Variants in ARMH3 observed in about 807,000 individuals in gnomAD.
ARMH3 encodes the protein armadillo like helical domain containing 3.
ARMH3 carries 60 observed loss-of-function variants against 99.1 expected under a neutral mutation model. The observed-to-expected ratio is 0.61, with a 90% CI of 0.49 to 0.75. The LOEUF (loss-of-function observed/expected upper bound fraction) is 0.75. ARMH3 is among the 30% of genes least tolerant of loss of function. The probability of loss-of-function intolerance (pLI) is 0.00; values close to 1 mark genes in which losing one functional copy is unlikely to be tolerated. For missense variants in ARMH3, 679 were observed against 843.1 expected (o/e 0.81, Z 2.41); for synonymous variants, 285 against 292.8 (o/e 0.97, Z 0.27).
chr10:102,050,497 T>C lies in ARMH3; in HGVS notation c.-12+5588A>G, dbSNP rs142328648. On this transcript the variant is annotated intron_variant, in intron 1 of 25. Coordinates refer to ENST00000370033, the MANE Select transcript of ARMH3 (RefSeq NM_024541.3). ...ATACATACATAAATAAATAAAAAGA[T>C]TCAGTTAAAGTTACACTTCTATAGA... Among the ~76,000 whole-genome samples the C allele has an allele frequency of 4.4e-3, 668 of 152,130 alleles. 12 individuals are homozygous for C. The highest frequency in any genetic ancestry group is 3.2e-3 in the Non-Finnish European group (218 of 67,980).
chr10:101,957,489 T>C (rs1845092410), intron 21 of ARMH3, among the ~76,000 whole-genome samples, 161 bp downstream of exon 21: 1 of 152,050 alleles, frequency 6.6e-6, no homozygotes. Context: ...AAGACATAGG[T>C]GAGAGTGGGG....
At chr10:101,897,871 T>A (rs1239226714) in intron 23 of ARMH3, among the ~76,000 whole-genome samples, 1 of 152,070 alleles carries the variant, frequency 6.6e-6, no homozygotes, top group Non-Finnish European at 1.5e-5. Context: ...TGAAGCAAAA[T>A]GAAGTGGATA....
At chr10:101,903,645 C>A (rs575471751) in intron 23 of ARMH3, among the ~76,000 whole-genome samples, 3 of 152,090 alleles carry the variant, frequency 2.0e-5, no homozygotes, top group Admixed American at 6.6e-5. Context: ...GAGACTGATA[C>A]CGAACTTTTA....
intron 14 of ARMH3, 33 bp downstream of exon 14, chr10:102,006,507 T>G: frequency 6.3e-7 from 1 of 1,586,360 alleles, no homozygotes; most frequent in Non-Finnish European, 8.7e-7. Flanking sequence ...AAGATCATAT[T>G]AACCAAGAAA....
intron 24 of ARMH3, among the ~76,000 whole-genome samples, chr10:101,866,509 GGAAAA>G (rs1470951350): frequency 6.6e-6 from 1 of 150,686 alleles, no homozygotes; most frequent in Non-Finnish European, 1.5e-5. Flanking sequence ...GAAAAGAAAA[GGAAAA>G]GAAATTTATG....
intron 1 of ARMH3, among the ~76,000 whole-genome samples, chr10:102,052,018 G>C (rs1436758921): frequency 6.6e-6 from 1 of 152,094 alleles, no homozygotes; most frequent in Non-Finnish European, 1.5e-5. Flanking sequence ...ATCCCAGAAT[G>C]AAAATTCATG....
chr10:101,928,579 G>T (rs1174783664), intron 23 of ARMH3, among the ~76,000 whole-genome samples: 1 of 152,196 alleles, frequency 6.6e-6, no homozygotes, highest in African/African-American at 2.4e-5. Context: ...TAAGGCAGGA[G>T]GATCACTTGA....
At chr10:101,982,111 T>G (rs1202830552) in intron 19 of ARMH3, among the ~76,000 whole-genome samples, 1 of 149,782 alleles carries the variant, frequency 6.7e-6, no homozygotes, top group Non-Finnish European at 1.5e-5. Context: ...GCGGGTATAG[T>G]GGCTCACACC....
intron 20 of ARMH3, among the ~76,000 whole-genome samples, chr10:101,960,248 G>A (rs932566856): frequency 4.6e-5 from 7 of 152,136 alleles, no homozygotes; most frequent in African/African-American, 1.7e-4. Context: ...ATCACAGATG[G>A]TAATTCTTCT....
chr10:101,904,311 G>A (rs1461604532), intron 23 of ARMH3, among the ~76,000 whole-genome samples: 1 of 152,108 alleles, frequency 6.6e-6, no homozygotes, highest in Admixed American at 6.5e-5. Context: ...ACCTACACCA[G>A]TGGCATGTGA....
At chr10:101,918,934 T>C (rs934325985) in intron 23 of ARMH3, among the ~76,000 whole-genome samples, 3 of 152,218 alleles carry the variant, frequency 2.0e-5, no homozygotes, top group Admixed American at 2.0e-4. Context: ...CTCAGGTTTG[T>C]GGGGCACAGG....
chr10:101,921,536 T>C (rs534166046), intron 23 of ARMH3, among the ~76,000 whole-genome samples: 7 of 152,336 alleles, frequency 4.6e-5, no homozygotes, highest in Middle Eastern at 3.4e-3. Context: ...TGCACTCTTA[T>C]GTTTACTGCA....
intron 23 of ARMH3, among the ~76,000 whole-genome samples, chr10:101,938,186 C>T (rs948247623): frequency 2.0e-5 from 3 of 152,212 alleles, no homozygotes; most frequent in Admixed American, 1.3e-4. Flanking sequence ...GATCTTTTTG[C>T]TACTTTAGAT....
At chr10:101,897,932 T>C (rs2067879094) in intron 23 of ARMH3, among the ~76,000 whole-genome samples, 1 of 152,204 alleles carries the variant, frequency 6.6e-6, no homozygotes, top group Non-Finnish European at 1.5e-5. Flanking sequence ...TCTTGGTCCA[T>C]TGTAAACTTA....
chr10:101,993,611 A>G lies in ARMH3; in HGVS notation c.1210-8T>C. On this transcript the variant is annotated splice_polypyrimidine_tract_variant and splice_region_variant and intron_variant, in intron 16 of 25. Transcript: ENST00000370033. ...TGCATTGGCATATTGATCCTAATAA[A>G]AATATAGAGAAAAAGTAAGAAGCGA... 1 of 1,557,504 alleles carries G rather than the reference A, an allele frequency of 6.4e-7. No individual in the cohort carries two copies. Among genetic ancestry groups the G allele is most frequent in the Non-Finnish European group, 8.7e-7 (1 of 1,143,824 alleles).
intron 23 of ARMH3, among the ~76,000 whole-genome samples, chr10:101,926,924 C>T (rs1228269405): frequency 6.6e-6 from 1 of 152,084 alleles, no homozygotes; most frequent in Non-Finnish European, 1.5e-5. Flanking sequence ...AGAACAAACG[C>T]CCAGGAATGA....
At chr10:101,990,698 C>G in intron 18 of ARMH3, 87 bp from the exon 19 acceptor site, 4 of 969,932 alleles carry the variant, frequency 4.1e-6, no homozygotes, top group Non-Finnish European at 6.6e-6. Flanking sequence ...CTGAGTACAC[C>G]TTGCACTCAC....
chr10:102,023,220 T>C (rs2066926341), intron 8 of ARMH3, among the ~76,000 whole-genome samples: 2 of 151,160 alleles, frequency 1.3e-5, no homozygotes, highest in African/African-American at 4.9e-5. Flanking sequence ...TAGGTGATTC[T>C]AATAAGCTGG....
Position 101,847,461 on chromosome 10 carries a change from C to G in ARMH3, c.*67G>C. 6.6e-7 allele frequency: 1 copy of G among 1,514,682 alleles called. No individual in the cohort carries two copies. Among genetic ancestry groups the G allele is most frequent in the African/African-American group, 1.4e-5 (1 of 72,788 alleles). The allele number at this position is 1,514,682 out of a possible 1,614,324, so 93.8% of individuals were successfully genotyped here. A position where few individuals can be genotyped will look rare whatever the true frequency, so the allele number is the denominator to read the frequency against. ...CCTCGGGGGCAGCCCCCTCTCCCCT[C>G]GCTCCCCCTCCAGCCCATGATCCTC... On this transcript the variant is annotated 3_prime_UTR_variant, in exon 26 of 26. Coordinates refer to ENST00000370033, the MANE Select transcript of ARMH3 (RefSeq NM_024541.3).
Sources: gnomAD v4.1 joint callset for allele counts (sites outside exome capture counted in the v4.1 genomes callset) on GRCh38, gnomAD v4.1.1 for gene constraint, MANE v1.5 for transcripts, NCBI Gene and HGNC (gene_info 2026-07-23, HGNC 2026-07-21) for gene names.